The following CROCC variants were observed in gnomAD, a reference collection of about 807,000 sequenced individuals.
CROCC encodes ciliary rootlet coiled-coil, rootletin.
A neutral mutation model predicts 245.2 loss-of-function variants in CROCC; 180 were observed. The ratio of observed to expected loss-of-function variants is 0.73; its 90% CI spans 0.65 to 0.83. The LOEUF (loss-of-function observed/expected upper bound fraction) is 0.83. CROCC is among the 40% of genes least tolerant of loss of function. The probability of loss-of-function intolerance (pLI) is 0.00; values close to 1 mark genes in which losing one functional copy is unlikely to be tolerated. For missense variants in CROCC, 2,688 were observed against 2,779.4 expected (o/e 0.97, Z 0.74); for synonymous variants, 1,205 against 1,241.6 (o/e 0.97, Z 0.62).
chr1:16,933,290 ACC>A (rs1175560525), intron 8 of CROCC, among the ~76,000 whole-genome samples: 30 of 152,060 alleles, frequency 2.0e-4, no homozygotes, highest in African/African-American at 6.8e-4. Flanking sequence ...ACATGGTGAG[ACC>A]CCTATCTCTA....
At chr1:16,971,361 C>T (rs2076515638) in intron 35 of CROCC, 104 bp from the exon 36 acceptor site, 5 of 1,411,046 alleles carry the variant, frequency 3.5e-6, no homozygotes, top group Non-Finnish European at 4.6e-6. Flanking sequence ...CCTGCCTTCC[C>T]CCTCTGCACT....
chr1:16,939,113 G>T lies in CROCC; in HGVS notation c.1579G>T (p.Ala527Ser), dbSNP rs1429977409. 1.3e-6 allele frequency: 2 copies of T among 1,548,390 alleles called. No homozygotes were observed. The highest frequency in any genetic ancestry group is 1.7e-6 in the Non-Finnish European group (2 of 1,157,904). The change falls in exon 12 of 37, where the codon GCC becomes TCC. Residue 527 changes from alanine (A) to serine (S), a missense_variant. Ala to Ser is a moderately conservative substitution (Grantham distance 99). Coordinates refer to ENST00000375541, the MANE Select transcript of CROCC (RefSeq NM_014675.5). ...CTCCACGCTCGCCCTGATCCACTCCGCCCTGCACAAGCGCCAGCTGCAGGT... is the reference window on the plus strand; with the variant it reads ...CTCCACGCTCGCCCTGATCCACTCCTCCCTGCACAAGCGCCAGCTGCAGGT... ...DSSTLALIHS[A>S]LHKRQLQVQD... is the part of the protein sequence containing the mutation.
At chr1:16,926,996 G>A (rs1024465521) in intron 3 of CROCC, among the ~76,000 whole-genome samples, 2 of 152,262 alleles carry the variant, frequency 1.3e-5, no homozygotes, top group African/African-American at 2.4e-5. Context: ...ACTGGAGAAG[G>A]GGGAGGAGAA....
chr1:16,970,866 C>A (rs1040596526), intron 35 of CROCC, 99 bp downstream of exon 35: 6 of 1,368,794 alleles, frequency 4.4e-6, no homozygotes, highest in African/African-American at 4.4e-5. Flanking sequence ...GGGCCCATAA[C>A]CCCCTCCCCC....
At chr1:16,945,329 T>G in intron 14 of CROCC, 133 bp from the exon 15 acceptor site, 1 of 1,323,632 alleles carries the variant, frequency 7.6e-7, no homozygotes, top group Admixed American at 2.1e-5. Flanking sequence ...GTGGGCTTGG[T>G]TGCCCTGTGG....
upstream of CROCC, among the ~76,000 whole-genome samples, chr1:16,918,731 G>GTTT (rs1322555949): frequency 3.8e-5 from 3 of 78,164 alleles, no homozygotes; most frequent in Non-Finnish European, 5.5e-5. Flanking sequence ...GGCCGGTTTA[G>GTTT]TTTTTTGTTT....
intron 9 of CROCC, 86 bp downstream of exon 9, chr1:16,936,959 C>G: frequency 7.3e-7 from 1 of 1,368,056 alleles, no homozygotes; most frequent in South Asian, 1.3e-5. Context: ...CATCTGTTCA[C>G]TAGGGGAAGG....
rs775730052 is a variant in CROCC at position 16,960,913 on chromosome 1, C to G, written c.4188C>G (p.Ala1396=). Residue 1396 remains alanine (A), a synonymous_variant, in exon 27 of 37, where the codon GCC becomes GCG. Coordinates refer to ENST00000375541, the MANE Select transcript of CROCC (RefSeq NM_014675.5). ...GLELKLEAAR[A]EAAELGLRLS... is the part of the protein sequence containing the mutation. ...AGCTGAAGCTGGAGGCGGCGCGGGC[C>G]GAGGCTGCAGAGCTGGGCCTGCGGC... 54 of 1,503,602 alleles carry G rather than the reference C, an allele frequency of 3.6e-5. 1 individual carries two copies. The South Asian group carries it at 6.5e-4, about 18-fold the overall frequency. The allele number at this position is 1,503,602 out of a possible 1,614,324, so 93.1% of individuals were successfully genotyped here. A position where few individuals can be genotyped will look rare whatever the true frequency, so the allele number is the denominator to read the frequency against.
intron 8 of CROCC, among the ~76,000 whole-genome samples, 157 bp downstream of exon 8, chr1:16,931,554 G>A (rs936356925): frequency 9.2e-5 from 14 of 152,268 alleles, no homozygotes; most frequent in East Asian, 1.9e-4. Flanking sequence ...TACCACAGTC[G>A]TGGCAGTCAG....
rs1451996074 is a variant in CROCC, at chr1:16,972,964, A to T, written c.*518A>T. 2 of 152,292 alleles carry T rather than the reference A, an allele frequency of 1.3e-5. No homozygotes were observed. Among genetic ancestry groups the T allele is most frequent in the Non-Finnish European group, 2.9e-5 (2 of 68,104 alleles). 9.4% of individuals were successfully genotyped at this position (152,292 alleles called of 1,614,324 possible). On this transcript the variant is annotated 3_prime_UTR_variant, in exon 37 of 37. Coordinates refer to ENST00000375541, the MANE Select transcript of CROCC (RefSeq NM_014675.5). ...TGTAACAAAACCTTGTTTTTAAAAA[A>T]GTTTGTACAGCTGTGTCCCTTTTCT...
chr1:16,942,147 A>G (rs1362742296), intron 13 of CROCC, among the ~76,000 whole-genome samples: 1 of 152,216 alleles, frequency 6.6e-6, no homozygotes, highest in Non-Finnish European at 1.5e-5. Context: ...AGTAGCTGGA[A>G]CTACAGGCAC....
In CROCC at chr1:16,965,768, C is replaced by A; in HGVS notation, c.4451C>A (p.Pro1484His). ...LNSPSTLECS[P>H]GSQPPSPGPA... ...AGCCCCAGCACCTTAGAATGCAGCCCTGGGTCCCAGCCACCATCTCCAGGA... is the reference window on the plus strand; with the variant it reads ...AGCCCCAGCACCTTAGAATGCAGCCATGGGTCCCAGCCACCATCTCCAGGA... Residue 1484 changes from proline to histidine, a missense_variant, in exon 28 of 37, where the codon CCT becomes CAT. By Grantham distance (77) the Pro-to-His change is moderately conservative. Around this residue, in one of 9 missense-constraint regions of CROCC, gnomAD observed 1,218 missense variants for 1,286.3 expected, o/e 0.95. Coordinates refer to ENST00000375541, the MANE Select transcript of CROCC (RefSeq NM_014675.5). 1.9e-6 allele frequency: 3 copies of A among 1,613,876 alleles called. No homozygotes were observed. Among genetic ancestry groups the A allele is most frequent in the Non-Finnish European group, 2.5e-6 (3 of 1,180,002 alleles).
At position 16,965,846 on chromosome 1, in the gene CROCC, C is replaced by A. The variant is rs2076407276; in HGVS notation, c.4529C>A (p.Ala1510Asp). 1 of 1,613,516 alleles carries A rather than the reference C, an allele frequency of 6.2e-7. No individual in the cohort carries two copies. The highest frequency in any genetic ancestry group is 8.5e-7 in the Non-Finnish European group (1 of 1,180,032). Residue 1510 changes from alanine (A) to aspartate (D), a missense_variant, in exon 28 of 37, where the codon GCC (alanine) becomes GAC (aspartate). Ala to Asp is a moderately radical substitution (Grantham distance 126, BLOSUM62 -2). Transcript: ENST00000375541. ...CTGGACCCGGAGGCAGTGCGCGGGG[C>A]CCTCCGGGAATTCCTGCAAGAGCTG... The part of the protein sequence containing the change: ...PDLDPEAVRG[A>D]LREFLQELRS...
intron 26 of CROCC, among the ~76,000 whole-genome samples, chr1:16,959,293 G>A (rs746085701): frequency 1.3e-5 from 2 of 152,144 alleles, no homozygotes; most frequent in Non-Finnish European, 2.9e-5. Context: ...CAAAGTGCTG[G>A]GATTACAGGT....
chr1:16,970,818 T>C (rs2076505780), intron 35 of CROCC, 51 bp downstream of exon 35: 3 of 1,496,362 alleles, frequency 2.0e-6, no homozygotes, highest in Non-Finnish European at 8.9e-7. Flanking sequence ...GTATGAGTGC[T>C]CAGCAATTCC....
At chr1:16,936,147 TCTCA>T (rs1475936831) in intron 8 of CROCC, among the ~76,000 whole-genome samples, 12 of 152,134 alleles carry the variant, frequency 7.9e-5, no homozygotes, top group Non-Finnish European at 5.9e-5. Flanking sequence ...TGAGATGGAG[TCTCA>T]CTATGTTTCC....
chr1:16,951,123 G>GAC lies in CROCC; in HGVS notation c.3006+1_3006+2insAC. The GAC allele has an allele frequency of 6.6e-7, 1 of 1,522,954 alleles. No individual in the cohort carries two copies. The highest frequency in any genetic ancestry group is 1.3e-5 in the South Asian group (1 of 79,230). The allele number at this position is 1,522,954 out of a possible 1,614,324, so 94.3% of individuals were successfully genotyped here. ...CTTACAGCGACTCCAGCGTGAAAAG[G>GAC]TTCAGGCAGCTGGGGAGGGGTGGGC... On this transcript the variant is annotated splice_donor_variant, in intron 20 of 36. Transcript: ENST00000375541. LOFTEE classifies it high-confidence loss of function.
In CROCC at chr1:16,954,793, T is replaced by C; in HGVS notation, c.3381T>C (p.Ala1127=). The C allele has an allele frequency of 1.3e-6, 2 of 1,553,614 alleles. No individual in the cohort carries two copies. The highest frequency in any genetic ancestry group is 1.7e-6 in the Non-Finnish European group (2 of 1,148,854). The part of the protein sequence containing the change: ...LRDLRAQREE[A]AAAHAQEVRR... ...ACCTACGGGCCCAGCGGGAGGAGGC[T>C]GCTGCGGCCCACGCCCAGGAGGTGA... The change falls in exon 23 of 37, where the codon GCT becomes GCC. Residue 1127 remains alanine (A), a synonymous_variant. Transcript: ENST00000375541. The surrounding 1 kb of genome is among the most constrained non-coding windows in gnomAD (Gnocchi z 4.4).
rs763931467 is a variant in CROCC, at chr1:16,936,668, C to T, written c.988C>T (p.Arg330Trp). The T allele has an allele frequency of 3.4e-5, 55 of 1,596,458 alleles. No individual in the cohort carries two copies. The highest frequency in any genetic ancestry group is 1.7e-4 in the Middle Eastern group (1 of 5,982). The change falls in exon 9 of 37, where the codon CGG becomes TGG. Residue 330 changes from arginine (R) to tryptophan (W), a missense_variant. Physicochemically the swap from Arg to Trp is moderately radical, Grantham distance 101. Coordinates refer to ENST00000375541, the MANE Select transcript of CROCC (RefSeq NM_014675.5). ...GCTGCAGCTGGGAGGGGAGCTGGCC[C>T]GGACATCACGAGCTGTCCAGGAGGC... is the stretch of plus-strand genomic sequence containing the variant. ...DLLQLGGELA[R>W]TSRAVQEAGL...
Sources: gnomAD v4.1 joint callset for allele counts (sites outside exome capture counted in the v4.1 genomes callset) on GRCh38, gnomAD v4.1.1 for gene constraint, gnomAD v4.1.1 regional missense constraint, Gnocchi (gnomAD v3.1) non-coding constraint, MANE v1.5 for transcripts, NCBI Gene and HGNC (gene_info 2026-07-23, HGNC 2026-07-21) for gene names.